The following RABEP1 variants were observed in gnomAD, a reference collection of about 807,000 sequenced individuals.
The protein encoded by RABEP1 is rabaptin, RAB GTPase binding effector protein 1.
RABEP1 carries 51 observed loss-of-function variants against 123.4 expected under a neutral mutation model. The ratio of observed to expected loss-of-function variants is 0.41; its 90% confidence interval spans 0.33 to 0.52. RABEP1 has a LOEUF of 0.52. RABEP1 is among the 20% of genes least tolerant of loss of function. The probability of loss-of-function intolerance (pLI) is 0.16; values close to 1 mark genes in which losing one functional copy is unlikely to be tolerated. For synonymous variants in RABEP1, 347 were observed against 355.2 expected (o/e 0.98, Z 0.26); for missense variants, 888 against 996.3 (o/e 0.89, Z 1.46).
intron 1 of RABEP1, among the ~76,000 whole-genome samples, chr17:5,293,026 A>G (rs1237792361): frequency 6.6e-6 from 1 of 152,138 alleles, no homozygotes; most frequent in Non-Finnish European, 1.5e-5. Context: ...GTGGTGGCTC[A>G]TGCCTATAAT....
chr17:5,294,770 C>G (rs1014623481), intron 1 of RABEP1, among the ~76,000 whole-genome samples: 2 of 148,248 alleles, frequency 1.3e-5, no homozygotes, highest in African/African-American at 4.9e-5. Flanking sequence ...GCCTCAGCCT[C>G]CCGAGTAGCT....
chr17:5,282,605 G>T, intron 1 of RABEP1, 85 bp downstream of exon 1: 1 of 974,468 alleles, frequency 1.0e-6, no homozygotes, highest in African/African-American at 1.8e-5. Context: ...GGCAGGCGGC[G>T]GCAAGGGCGC....
Position 5,361,678 on chromosome 17 carries a change from G to A in RABEP1, c.1563+3G>A, listed in dbSNP as rs770395572. 6.3e-7 allele frequency: 1 copy of A among 1,592,084 alleles called. No individual in the cohort carries two copies. The highest frequency in any genetic ancestry group is 1.8e-5 in the Admixed American group (1 of 56,136). ...AATGGAATCTCTTGCAGAAAGAGGT[G>A]AGTTACCTTTCTCACGTTTTTCCTC... On this transcript the variant is annotated splice_donor_region_variant and intron_variant, in intron 9 of 17. Transcript: ENST00000537505.
rs11432831 is a variant in RABEP1, at chr17:5,310,301, C to CTTTTTTTTTTT, written c.163+1487_163+1497dup. On this transcript the variant is annotated intron_variant, in intron 2 of 17. Transcript: ENST00000537505. ...TTACAATTTAAATGAAAGCTTCGTC[C>CTTTTTTTTTTT]TTTTTTTTTTTTTTTTTTGAGATGG... Among the ~76,000 whole-genome samples, 91 of 126,382 alleles carry CTTTTTTTTTTT rather than the reference C, an allele frequency of 7.2e-4. 9 individuals are homozygous for CTTTTTTTTTTT. The highest frequency in any genetic ancestry group is 4.4e-3 in the Middle Eastern group (1 of 228). 82.9% of individuals were successfully genotyped at this position (126,382 alleles called of 152,430 possible).
At chr17:5,365,951 G>A (rs1909968429) in intron 11 of RABEP1, among the ~76,000 whole-genome samples, 1 of 152,148 alleles carries the variant, frequency 6.6e-6, no homozygotes, top group South Asian at 2.1e-4. Flanking sequence ...TCCAGTTCTG[G>A]GATATTATGA....
intron 1 of RABEP1, among the ~76,000 whole-genome samples, chr17:5,292,336 T>C (rs1567863951): frequency 6.6e-6 from 1 of 152,210 alleles, no homozygotes; most frequent in African/African-American, 2.4e-5. Flanking sequence ...TGGCCATTTT[T>C]TTGTGTGCAT....
rs1241707284 is a variant in RABEP1 at position 5,282,328 on chromosome 17, C to T, written c.-159C>T. 3.0e-5 allele frequency: 15 copies of T among 500,662 alleles called. No individual in the cohort carries two copies. Among genetic ancestry groups the T allele is most frequent in the Non-Finnish European group, 4.1e-5 (13 of 315,352 alleles). The allele number at this position is 500,662 out of a possible 1,614,324, so 31.0% of individuals were successfully genotyped here. A position where few individuals can be genotyped will look rare whatever the true frequency, so the allele number is the denominator to read the frequency against. On this transcript the variant is annotated 5_prime_UTR_variant, in exon 1 of 18. Coordinates refer to ENST00000537505, the MANE Select transcript of RABEP1 (RefSeq NM_004703.6). ...GGTCGGCGGTCGGGTCCGTCTCTGC[C>T]CGCGGCTGTGGCGGCGCCGGCGGAT...
chr17:5,335,212 C>A lies in RABEP1; in HGVS notation c.396C>A (p.Phe132Leu). 3 of 1,612,402 alleles carry A rather than the reference C, an allele frequency of 1.9e-6. No individual in the cohort carries two copies. Among genetic ancestry groups the A allele is most frequent in the Non-Finnish European group, 2.5e-6 (3 of 1,179,064 alleles). ...KETVRDYEHQ[F>L]HLRLEQERTQ... Reference sequence around the variant, plus strand: ...CAGTTCGTGACTATGAGCACCAGTTCCACCTTAGGCTGGAGCAGGAGCGAA... The same window carrying A: ...CAGTTCGTGACTATGAGCACCAGTTACACCTTAGGCTGGAGCAGGAGCGAA... The change falls in exon 4 of 18, where the codon TTC (phenylalanine) becomes TTA (leucine). Residue 132 changes from phenylalanine to leucine, a missense_variant. Coordinates refer to ENST00000537505, the MANE Select transcript of RABEP1 (RefSeq NM_004703.6).
chr17:5,366,811 C>A, intron 11 of RABEP1, among the ~76,000 whole-genome samples: 1 of 151,460 alleles, frequency 6.6e-6, no homozygotes, highest in African/African-American at 2.4e-5. Context: ...CAAATTTGGC[C>A]GGGCACGGTG....
intron 1 of RABEP1, among the ~76,000 whole-genome samples, chr17:5,303,262 G>A (rs1241250212): frequency 6.6e-6 from 1 of 151,594 alleles, no homozygotes; most frequent in Non-Finnish European, 1.5e-5. Flanking sequence ...TTTTTTTTGA[G>A]ATAGGATCTC....
chr17:5,323,249 G>A (rs1379209477), intron 2 of RABEP1, among the ~76,000 whole-genome samples: 3 of 152,122 alleles, frequency 2.0e-5, no homozygotes, highest in Non-Finnish European at 4.4e-5. Flanking sequence ...CCCACAACTA[G>A]CATCATACTG....
chr17:5,343,248 C>T (rs913221037), intron 5 of RABEP1, among the ~76,000 whole-genome samples: 1 of 152,006 alleles, frequency 6.6e-6, no homozygotes, highest in African/African-American at 2.4e-5. Flanking sequence ...GAAACTCCGT[C>T]TCAAAATAAA....
chr17:5,359,411 A>G (rs1288357235), intron 8 of RABEP1, among the ~76,000 whole-genome samples: 1 of 152,056 alleles, frequency 6.6e-6, no homozygotes, highest in African/African-American at 2.4e-5. Flanking sequence ...CAACTGTTCT[A>G]TCCCTAGCCC....
intron 13 of RABEP1, 60 bp from the exon 14 acceptor site, chr17:5,377,056 T>C: frequency 6.7e-7 from 1 of 1,488,902 alleles, no homozygotes; most frequent in Non-Finnish European, 9.0e-7. Flanking sequence ...AGAAAATCTT[T>C]AGCTTCTTTA....
chr17:5,383,909 T>TA lies in RABEP1; in HGVS notation c.*689dup, dbSNP rs1473498050. The TA allele has an allele frequency of 9.0e-6, 2 of 223,244 alleles. No individual in the cohort carries two copies. The highest frequency in any genetic ancestry group is 1.8e-5 in the Non-Finnish European group (2 of 111,698). 13.8% of individuals were successfully genotyped at this position (223,244 alleles called of 1,614,324 possible). A position where few individuals can be genotyped will look rare whatever the true frequency, so the allele number is the denominator to read the frequency against. On this transcript the variant is annotated 3_prime_UTR_variant, in exon 18 of 18. Transcript: ENST00000537505. ...GCTATATATACTGGAAGTTGAAGGT[T>TA]AAAGGAAAAGCACAAGAAACTTTGG... is the stretch of plus-strand genomic sequence containing the variant.
intron 8 of RABEP1, among the ~76,000 whole-genome samples, chr17:5,355,941 A>G (rs551824908): frequency 2.0e-5 from 3 of 152,326 alleles, no homozygotes; most frequent in African/African-American, 7.2e-5. Flanking sequence ...ATGATTACAT[A>G]GTGTTTTCAT....
In RABEP1 at chr17:5,308,831, A is replaced by G. The variant is rs1213110412; in HGVS notation, c.163+9A>G. Reference sequence around the variant, plus strand: ...ATATTTGGCTAAAGAGGGTAAGTTCATAAGTCTCGCACCAACTTCAATGCG... The same window carrying G: ...ATATTTGGCTAAAGAGGGTAAGTTCGTAAGTCTCGCACCAACTTCAATGCG... On this transcript the variant is annotated intron_variant, in intron 2 of 17. Coordinates refer to ENST00000537505, the MANE Select transcript of RABEP1 (RefSeq NM_004703.6). 3.7e-6 allele frequency: 6 copies of G among 1,601,650 alleles called. No homozygotes were observed. The highest frequency in any genetic ancestry group is 2.7e-5 in the African/African-American group (2 of 74,458).
chr17:5,333,080 T>C (rs989450887), intron 3 of RABEP1, among the ~76,000 whole-genome samples: 1 of 152,200 alleles, frequency 6.6e-6, no homozygotes, highest in Non-Finnish European at 1.5e-5. Flanking sequence ...GCTGAATTAC[T>C]TCCCAAATTT....
At chr17:5,328,546 T>C (rs1342601872) in intron 2 of RABEP1, among the ~76,000 whole-genome samples, 1 of 148,432 alleles carries the variant, frequency 6.7e-6, no homozygotes, top group Non-Finnish European at 1.5e-5. Flanking sequence ...CGTGGGAAGC[T>C]GAGGTGAGAG....
Sources: gnomAD v4.1 joint callset for allele counts (sites outside exome capture counted in the v4.1 genomes callset) on GRCh38, gnomAD v4.1.1 for gene constraint, MANE v1.5 for transcripts, NCBI Gene and HGNC (gene_info 2026-07-23, HGNC 2026-07-21) for gene names.